Variants in TRPM3 observed in about 807,000 individuals in gnomAD.
TRPM3 encodes long transient receptor potential channel 3.
A neutral mutation model predicts 181.2 loss-of-function variants in TRPM3; 77 were observed. That is an observed-to-expected ratio of 0.42 (90% confidence interval 0.35 to 0.51). The LOEUF (loss-of-function observed/expected upper bound fraction) is 0.51, where lower values mean the gene tolerates loss of function less well. TRPM3 is among the 20% of genes least tolerant of loss of function. The pLI is 0.01. For missense variants in TRPM3, 1,759 were observed against 2,196.7 expected (o/e 0.80, Z 3.98); for synonymous variants, 745 against 796.4 (o/e 0.94, Z 1.09).
chr9:71,219,078 G>A (rs1327788795), intron 1 of TRPM3, among the ~76,000 whole-genome samples: 1 of 152,162 alleles, frequency 6.6e-6, no homozygotes, highest in African/African-American at 2.4e-5. Flanking sequence ...GTGGTTTCAT[G>A]GCTGTGTAAC....
At chr9:71,232,460 C>G (rs1396882892) in intron 1 of TRPM3, among the ~76,000 whole-genome samples, 1 of 145,704 alleles carries the variant, frequency 6.9e-6, no homozygotes, top group East Asian at 2.0e-4. Flanking sequence ...CTGATGCATA[C>G]TCTAACGCAC....
intron 1 of TRPM3, among the ~76,000 whole-genome samples, chr9:71,351,868 T>C (rs1202705699): frequency 9.3e-6 from 1 of 107,270 alleles, no homozygotes; most frequent in African/African-American, 3.6e-5. Flanking sequence ...GTTTGTTTGT[T>C]TGTTTTTGTT....
At chr9:70,566,530 C>T (rs1315740557) in intron 22 of TRPM3, among the ~76,000 whole-genome samples, 2 of 152,114 alleles carry the variant, frequency 1.3e-5, no homozygotes, top group Non-Finnish European at 2.9e-5. Context: ...AACAGTAAGG[C>T]GTTATTATTT....
intron 1 of TRPM3, among the ~76,000 whole-genome samples, chr9:71,054,360 G>T (rs2060421737): frequency 6.6e-6 from 1 of 151,974 alleles, no homozygotes; most frequent in South Asian, 2.1e-4. Context: ...CCTTTAGAAG[G>T]CCACACATCA....
At chr9:70,778,243 C>A (rs1037328643) in intron 7 of TRPM3, among the ~76,000 whole-genome samples, 1 of 152,146 alleles carries the variant, frequency 6.6e-6, no homozygotes, top group East Asian at 1.9e-4. Context: ...TACACTGTTC[C>A]ATTGATAGGA....
chr9:70,769,006 A>T (rs1022547889), intron 7 of TRPM3, among the ~76,000 whole-genome samples: 2 of 152,146 alleles, frequency 1.3e-5, no homozygotes. Flanking sequence ...TCCTCATCAT[A>T]TCTTATTCAG....
chr9:71,434,212 T>G (rs1003550223), intron 1 of TRPM3, among the ~76,000 whole-genome samples: 1 of 151,690 alleles, frequency 6.6e-6, no homozygotes, highest in South Asian at 2.1e-4. Flanking sequence ...AATGTTTGTG[T>G]CCCCCCCAAA....
intron 22 of TRPM3, among the ~76,000 whole-genome samples, chr9:70,581,626 G>A (rs1228549721): frequency 1.3e-5 from 2 of 152,168 alleles, no homozygotes; most frequent in African/African-American, 2.4e-5. Context: ...ATCTTGCCAC[G>A]TTATTCAGAA....
chr9:70,990,770 G>A (rs899487805), intron 1 of TRPM3, among the ~76,000 whole-genome samples: 26 of 152,070 alleles, frequency 1.7e-4, no homozygotes, highest in African/African-American at 5.8e-4. Flanking sequence ...TCCCTCTGGC[G>A]GAACAAATTT....
At chr9:70,690,669 T>G (rs2068256358) in intron 8 of TRPM3, among the ~76,000 whole-genome samples, 1 of 152,122 alleles carries the variant, frequency 6.6e-6, no homozygotes, top group Non-Finnish European at 1.5e-5. Context: ...TCATCAGTAT[T>G]TAAAATAATT....
intron 1 of TRPM3, among the ~76,000 whole-genome samples, chr9:70,993,743 C>T (rs1375376061): frequency 1.5e-4 from 21 of 136,630 alleles, no homozygotes; most frequent in Non-Finnish European, 1.5e-5. Context: ...TGAGATTGCG[C>T]GACTGCACTC....
intron 1 of TRPM3, among the ~76,000 whole-genome samples, chr9:70,910,237 A>G (rs1195031326): frequency 6.6e-6 from 1 of 152,242 alleles, no homozygotes; most frequent in African/African-American, 2.4e-5. Context: ...CAACTGTTAT[A>G]TACAAAAACA....
At chr9:70,940,260 A>C (rs2096872679) in intron 1 of TRPM3, among the ~76,000 whole-genome samples, 2 of 152,262 alleles carry the variant, frequency 1.3e-5, no homozygotes, top group African/African-American at 4.8e-5. Context: ...TAACACAAAA[A>C]AAAGTAAAAC....
chr9:71,080,972 T>C (rs1162292017), intron 1 of TRPM3, among the ~76,000 whole-genome samples: 1 of 152,066 alleles, frequency 6.6e-6, no homozygotes, highest in Non-Finnish European at 1.5e-5. Flanking sequence ...ATCAACTGTG[T>C]ACCTCATAAG....
intron 1 of TRPM3, among the ~76,000 whole-genome samples, chr9:71,418,722 T>C (rs976831249): frequency 1.3e-5 from 2 of 149,352 alleles, no homozygotes; most frequent in Admixed American, 6.7e-5. Flanking sequence ...CCTAAAAGGC[T>C]CAAAGGATAC....
intron 1 of TRPM3, among the ~76,000 whole-genome samples, chr9:71,309,061 C>T (rs2087663766): frequency 6.6e-6 from 1 of 152,076 alleles, no homozygotes; most frequent in African/African-American, 2.4e-5. Context: ...GCAGGAGTGG[C>T]CTGAAGAAAC....
chr9:70,539,153 G>A (rs2042566974), intron 25 of TRPM3, among the ~76,000 whole-genome samples: 1 of 152,244 alleles, frequency 6.6e-6, no homozygotes, highest in Non-Finnish European at 1.5e-5. Context: ...CACAGTGAAT[G>A]TGGGAATTAG....
chr9:71,359,300 C>T (rs991250479), intron 1 of TRPM3, among the ~76,000 whole-genome samples: 12 of 152,144 alleles, frequency 7.9e-5, no homozygotes, highest in African/African-American at 2.7e-4. Flanking sequence ...TGTGTATGTG[C>T]GCATGCATGC....
At chr9:71,340,923 C>T (rs1281308905) in intron 1 of TRPM3, among the ~76,000 whole-genome samples, 1 of 151,908 alleles carries the variant, frequency 6.6e-6, no homozygotes, top group Non-Finnish European at 1.5e-5. Flanking sequence ...GTAAAAGTGC[C>T]AAAACGCAAC....
Sources: gnomAD v4.1 joint callset for allele counts (sites outside exome capture counted in the v4.1 genomes callset) on GRCh38, gnomAD v4.1.1 for gene constraint, MANE v1.5 for transcripts, NCBI Gene and HGNC (gene_info 2026-07-23, HGNC 2026-07-21) for gene names.